The following SH3BP4 variants were observed in gnomAD, a reference collection of about 807,000 sequenced individuals.
SH3BP4 encodes SH3 domain-binding protein 4.
Under a neutral mutation model 65.5 loss-of-function variants are expected in SH3BP4, and 33 were observed. The observed-to-expected ratio is 0.50, with a 90% CI of 0.38 to 0.67. The LOEUF (loss-of-function observed/expected upper bound fraction) is 0.67, where lower values mean the gene tolerates loss of function less well. Ranked by LOEUF, SH3BP4 falls within the 30% of genes least tolerant of loss-of-function variation. The pLI, the probability that SH3BP4 is intolerant of heterozygous loss-of-function variation, is 0.00. For missense variants in SH3BP4, 1,134 were observed against 1,261.4 expected (o/e 0.90, Z 1.53); for synonymous variants, 552 against 545.5 (o/e 1.01, Z -0.17).
chr2:234,992,444 G>T (rs965517869), intron 1 of SH3BP4, among the ~76,000 whole-genome samples: 2 of 152,208 alleles, frequency 1.3e-5, no homozygotes, highest in Non-Finnish European at 1.5e-5. Flanking sequence ...AGGCATTGTG[G>T]GCCCCTGGAG....
At chr2:235,027,761 G>A (rs1277316739) in intron 2 of SH3BP4, among the ~76,000 whole-genome samples, 5 of 152,212 alleles carry the variant, frequency 3.3e-5, no homozygotes, top group South Asian at 2.1e-4. Flanking sequence ...GTTCAGGTTC[G>A]TGGCCGCAGG....
chr2:235,032,345 A>G (rs1191227796), intron 2 of SH3BP4, among the ~76,000 whole-genome samples: 2 of 152,238 alleles, frequency 1.3e-5, no homozygotes, highest in African/African-American at 4.8e-5. Context: ...GCCACATGGC[A>G]AGTACCAGTT....
intron 2 of SH3BP4, among the ~76,000 whole-genome samples, chr2:235,006,615 C>T (rs1279334825): frequency 3.3e-5 from 5 of 152,150 alleles, no homozygotes; most frequent in African/African-American, 4.8e-5. Flanking sequence ...GGGCCCCCCT[C>T]GCTCTGCTTT....
In SH3BP4 at chr2:234,952,138, C is replaced by A; in HGVS notation, c.-239C>A. 1 of 149,308 alleles carries A rather than the reference C, an allele frequency of 6.7e-6. No individual in the cohort carries two copies. The highest frequency in any genetic ancestry group is 1.8e-4 in the South Asian group (1 of 5,526). 9.2% of individuals were successfully genotyped at this position (149,308 alleles called of 1,614,324 possible). A position where few individuals can be genotyped will look rare whatever the true frequency, so the allele number is the denominator to read the frequency against. ...CGAGCCGCTGGCCGACGAGCGGAGCCTCAGGAGCCGGCGGGGACGCCATGC... is the reference window on the plus strand; with the variant it reads ...CGAGCCGCTGGCCGACGAGCGGAGCATCAGGAGCCGGCGGGGACGCCATGC... On this transcript the variant is annotated 5_prime_UTR_variant, in exon 1 of 6. Coordinates refer to ENST00000392011, the MANE Select transcript of SH3BP4 (RefSeq NM_014521.3). This position sits in a 1 kb window ranked among gnomAD's most constrained non-coding sequence, Gnocchi z 6.5.
chr2:235,020,265 G>A (rs1694813112), intron 2 of SH3BP4, among the ~76,000 whole-genome samples: 1 of 152,234 alleles, frequency 6.6e-6, no homozygotes, highest in African/African-American at 2.4e-5. Flanking sequence ...GGGAGGCCAA[G>A]GCAGCAGATC....
chr2:234,982,746 A>C (rs1046513519), intron 1 of SH3BP4, among the ~76,000 whole-genome samples: 1 of 152,000 alleles, frequency 6.6e-6, no homozygotes, highest in Non-Finnish European at 1.5e-5. Flanking sequence ...GGGGAGTTTG[A>C]GGGTGGGGCC....
chr2:234,958,522 TG>T (rs1469342093), intron 1 of SH3BP4, among the ~76,000 whole-genome samples: 1 of 151,416 alleles, frequency 6.6e-6, no homozygotes, highest in African/African-American at 2.4e-5. Flanking sequence ...GGGCAGTGAG[TG>T]TGGAAGAGCT....
chr2:234,981,922 G>C (rs1693397659), intron 1 of SH3BP4, among the ~76,000 whole-genome samples: 1 of 152,176 alleles, frequency 6.6e-6, no homozygotes, highest in African/African-American at 2.4e-5. Context: ...CTCTTTGTAA[G>C]CTCGGCTGCC....
chr2:235,013,247 G>T (rs915053798), intron 2 of SH3BP4, among the ~76,000 whole-genome samples: 4 of 152,192 alleles, frequency 2.6e-5, no homozygotes, highest in Non-Finnish European at 5.9e-5. Flanking sequence ...TCCCTGGCCT[G>T]TGTGGTTCGC....
chr2:234,983,086 A>G (rs1693437881), intron 1 of SH3BP4, among the ~76,000 whole-genome samples: 1 of 152,148 alleles, frequency 6.6e-6, no homozygotes, highest in African/African-American at 2.4e-5. Flanking sequence ...GCTGAGCACT[A>G]GTGCAGGCCT....
chr2:235,025,338 C>T (rs1694966002), intron 2 of SH3BP4, among the ~76,000 whole-genome samples: 1 of 152,184 alleles, frequency 6.6e-6, no homozygotes, highest in Admixed American at 6.5e-5. Context: ...CAGTCCCATC[C>T]ACACCCAGAA....
At chr2:234,970,910 A>G (rs772187700) in intron 1 of SH3BP4, among the ~76,000 whole-genome samples, 3 of 151,982 alleles carry the variant, frequency 2.0e-5, no homozygotes, top group Non-Finnish European at 4.4e-5. Context: ...AAGAAGGTAG[A>G]TGTGGGGATG....
intron 1 of SH3BP4, among the ~76,000 whole-genome samples, chr2:234,958,052 C>T (rs536909570): frequency 2.6e-4 from 40 of 151,990 alleles, no homozygotes; most frequent in African/African-American, 9.4e-4. Flanking sequence ...GTCTTCCTTC[C>T]AGGAAGTCAG....
chr2:235,041,298 G>T lies in SH3BP4; in HGVS notation c.529G>T (p.Val177Phe). Residue 177 changes from valine (V) to phenylalanine (F), a missense_variant, in exon 4 of 6, where the codon GTC (valine) becomes TTC (phenylalanine). Coordinates refer to ENST00000392011, the MANE Select transcript of SH3BP4 (RefSeq NM_014521.3). This position sits in a 1 kb window ranked among gnomAD's most constrained non-coding sequence, Gnocchi z 6.0. ...TCCATTTCTGAATGGGAACGTGCCC[G>T]TCATGCCCAGCCTGGATGAGCTGAA... ...TNPFLNGNVP[V>F]MPSLDELNPK... The T allele has an allele frequency of 6.2e-7, 1 of 1,614,174 alleles. No individual in the cohort carries two copies. The highest frequency in any genetic ancestry group is 8.5e-7 in the Non-Finnish European group (1 of 1,180,040).
intron 1 of SH3BP4, among the ~76,000 whole-genome samples, chr2:234,984,456 G>A (rs1160655706): frequency 6.6e-6 from 1 of 151,920 alleles, no homozygotes; most frequent in Non-Finnish European, 1.5e-5. Flanking sequence ...CAATCCCCCT[G>A]CTTTGGCTGT....
At chr2:235,037,326 G>T (rs1280405043) in intron 3 of SH3BP4, among the ~76,000 whole-genome samples, 1 of 152,148 alleles carries the variant, frequency 6.6e-6, no homozygotes, top group Non-Finnish European at 1.5e-5. Flanking sequence ...GCCTCATCTA[G>T]AAGGGGGAAT....
chr2:234,999,021 G>A (rs376607693), intron 2 of SH3BP4, among the ~76,000 whole-genome samples: 25 of 152,316 alleles, frequency 1.6e-4, no homozygotes, highest in African/African-American at 3.1e-4. Context: ...TGTGCTCAGC[G>A]TCTCTCCAAG....
chr2:235,043,259 G>T lies in SH3BP4; in HGVS notation c.2478+12G>T. On this transcript the variant is annotated intron_variant, in intron 4 of 5. Transcript: ENST00000392011. ...AGGAGCTTGTGATGGTGAGTGCTCA[G>T]CAGGTGCCTGGGCGTTCAGGGGTGC... 1.3e-6 allele frequency: 2 copies of T among 1,547,832 alleles called. No homozygotes were observed. Among genetic ancestry groups the T allele is most frequent in the Non-Finnish European group, 8.7e-7 (1 of 1,144,292 alleles).
intron 2 of SH3BP4, among the ~76,000 whole-genome samples, chr2:235,029,383 C>T (rs567390855): frequency 6.6e-6 from 1 of 152,236 alleles, no homozygotes; most frequent in East Asian, 1.9e-4. Flanking sequence ...GAAGGGAGCG[C>T]TTGGTGGGCA....
Sources: gnomAD v4.1 joint callset for allele counts (sites outside exome capture counted in the v4.1 genomes callset) on GRCh38, gnomAD v4.1.1 for gene constraint, Gnocchi (gnomAD v3.1) non-coding constraint, MANE v1.5 for transcripts, NCBI Gene and HGNC (gene_info 2026-07-23, HGNC 2026-07-21) for gene names.